Variants in RECK observed in about 807,000 individuals in gnomAD.
RECK encodes reversion inducing cysteine rich protein with kazal motifs.
A neutral mutation model predicts 115.1 loss-of-function variants in RECK; 69 were observed. That is an observed-to-expected ratio of 0.60 (90% CI 0.49 to 0.73). RECK has a LOEUF of 0.73. RECK is among the 30% of genes least tolerant of loss of function. The pLI is 0.00. For synonymous variants in RECK, 414 were observed against 419.7 expected (o/e 0.99, Z 0.17); for missense variants, 1,047 against 1,203.7 (o/e 0.87, Z 1.93).
rs1823145505 is a variant in RECK at position 36,091,244 on chromosome 9, A to G, written c.986A>G (p.Asn329Ser). Reference protein sequence around the residue: ...WQEFDRFCEYNPVEVSMLTCL... With the variant: ...WQEFDRFCEYSPVEVSMLTCL... Reference sequence around the variant, plus strand: ...GAGTTTGATCGCTTTTGTGAATATAATCCAGTGGAAGTGTCCATGTTGACC... The same window carrying G: ...GAGTTTGATCGCTTTTGTGAATATAGTCCAGTGGAAGTGTCCATGTTGACC... The change falls in exon 10 of 21, where the codon AAT (asparagine) becomes AGT (serine). Residue 329 changes from asparagine (N) to serine (S), a missense_variant. Transcript: ENST00000377966. 1 of 1,613,754 alleles carries G rather than the reference A, an allele frequency of 6.2e-7. No homozygotes were observed. The highest frequency in any genetic ancestry group is 1.3e-5 in the African/African-American group (1 of 74,904).
chr9:36,050,595 C>G (rs1034954025), intron 1 of RECK, among the ~76,000 whole-genome samples: 1 of 152,122 alleles, frequency 6.6e-6, no homozygotes, highest in African/African-American at 2.4e-5. Context: ...AAATGTTATT[C>G]TGATTATGAC....
chr9:36,083,658 C>T, intron 8 of RECK, 96 bp downstream of exon 8: 1 of 1,283,066 alleles, frequency 7.8e-7, no homozygotes, highest in Admixed American at 2.4e-5. Context: ...CAGTCTGGGT[C>T]ATTTGAGAAA....
chr9:36,099,871 C>T (rs1403725042), intron 10 of RECK, among the ~76,000 whole-genome samples: 2 of 152,124 alleles, frequency 1.3e-5, no homozygotes, highest in African/African-American at 4.8e-5. Flanking sequence ...ATTAACTCAA[C>T]AGTGGCACAA....
chr9:36,084,350 C>T (rs1822855516), intron 8 of RECK, among the ~76,000 whole-genome samples: 1 of 151,614 alleles, frequency 6.6e-6, no homozygotes, highest in Non-Finnish European at 1.5e-5. Flanking sequence ...AAGATCCTAC[C>T]ACTGCACTCC....
chr9:36,117,047 AGTGT>A lies in RECK; in HGVS notation c.2126_2129del (p.Cys709TyrfsTer123). The stretch of plus-strand genomic sequence containing the variant: ...GATAAATTTGGATGTAGCCAGTATG[AGTGT>A]GTACCAAGACAGCTCGCGTGTGACC... On this transcript the variant is annotated frameshift_variant, in exon 17 of 21. Coordinates refer to ENST00000377966, the MANE Select transcript of RECK (RefSeq NM_021111.3). LOFTEE classifies it high-confidence loss of function. 6 of 1,614,060 alleles carry A rather than the reference AGTGT, an allele frequency of 3.7e-6. No individual in the cohort carries two copies. The highest frequency in any genetic ancestry group is 5.1e-6 in the Non-Finnish European group (6 of 1,179,934).
chr9:36,117,042 G>A lies in RECK; in HGVS notation c.2118G>A (p.Gln706=). 2 of 1,614,088 alleles carry A rather than the reference G, an allele frequency of 1.2e-6. No homozygotes were observed. The change falls in exon 17 of 21, where the codon CAG becomes CAA. Residue 706 remains glutamine, a synonymous_variant. Transcript: ENST00000377966. ...LTTFDKFGCS[Q]YECVPRQLAC... The stretch of plus-strand genomic sequence containing the variant: ...CTTTTGATAAATTTGGATGTAGCCA[G>A]TATGAGTGTGTACCAAGACAGCTCG...
chr9:36,099,926 T>C (rs1823499046), intron 10 of RECK, among the ~76,000 whole-genome samples: 1 of 152,244 alleles, frequency 6.6e-6, no homozygotes, highest in East Asian at 1.9e-4. Context: ...TTGATTTAGA[T>C]GTGCTTATGG....
intron 1 of RECK, among the ~76,000 whole-genome samples, chr9:36,042,423 A>AGTGTGTGTGTGTGTGTGTGTGTGTGT (rs35193636): frequency 3.5e-5 from 5 of 144,364 alleles, no homozygotes; most frequent in Non-Finnish European, 6.1e-5. Context: ...AGTATTCCAT[A>AGTGTGTGTGTGTGTGTGTGTGTGTGT]GTGTGTGTGT....
chr9:36,105,568 G>A (rs1405073954), intron 13 of RECK, among the ~76,000 whole-genome samples: 10 of 151,906 alleles, frequency 6.6e-5, no homozygotes, highest in Admixed American at 1.3e-4. Context: ...CTTGACTCTC[G>A]TGAGTTGCAG....
At chr9:36,097,641 T>C (rs899019681) in intron 10 of RECK, among the ~76,000 whole-genome samples, 3 of 152,136 alleles carry the variant, frequency 2.0e-5, no homozygotes, top group Non-Finnish European at 4.4e-5. Flanking sequence ...AAATTAAAGA[T>C]AGAAGGTACC....
chr9:36,065,569 G>A lies in RECK; in HGVS notation c.358-8G>A. 6.3e-7 allele frequency: 1 copy of A among 1,580,722 alleles called. No individual in the cohort carries two copies. The highest frequency in any genetic ancestry group is 8.6e-7 in the Non-Finnish European group (1 of 1,166,344). On this transcript the variant is annotated splice_polypyrimidine_tract_variant and splice_region_variant and intron_variant, in intron 5 of 20. Coordinates refer to ENST00000377966, the MANE Select transcript of RECK (RefSeq NM_021111.3). The stretch of plus-strand genomic sequence containing the variant: ...AATAAATTAATGGAGAAATTTGTTG[G>A]TTTTTAGGCATCTTCAAAGAATGAT...
chr9:36,091,735 C>G (rs869267344), intron 10 of RECK, among the ~76,000 whole-genome samples: 1 of 152,104 alleles, frequency 6.6e-6, no homozygotes, highest in African/African-American at 2.4e-5. Context: ...TGTGAGTCCC[C>G]TGTTTCATAC....
intron 1 of RECK, 99 bp from the exon 2 acceptor site, chr9:36,052,166 C>A (rs186878673): frequency 2.0e-4 from 139 of 710,004 alleles, no homozygotes; most frequent in Non-Finnish European, 2.6e-4. Flanking sequence ...TAATAATAAT[C>A]ATCATCTACT....
chr9:36,122,962 G>T lies in RECK; in HGVS notation c.2833G>T (p.Val945Phe). ...CTCCAGCAGTGTGCCATCGGCCGGT[G>T]TCAGGGCCAGGCCTTCTTGCCACTC... ...QVSSSVPSAG[V>F]RARPSCHSLL... Residue 945 changes from valine (V) to phenylalanine (F), a missense_variant, in exon 21 of 21, where the codon GTC becomes TTC. Transcript: ENST00000377966. The T allele has an allele frequency of 6.2e-7, 1 of 1,614,168 alleles. No homozygotes were observed. Among genetic ancestry groups the T allele is most frequent in the East Asian group, 2.2e-5 (1 of 44,868 alleles).
intron 8 of RECK, among the ~76,000 whole-genome samples, chr9:36,087,002 C>A (rs1414194787): frequency 2.0e-5 from 3 of 152,070 alleles, no homozygotes; most frequent in African/African-American, 7.2e-5. Context: ...GTGGTGAATT[C>A]TGGTAATAGA....
Position 36,117,170 on chromosome 9 carries a change from C to T in RECK, c.2246C>T (p.Pro749Leu). 6.2e-7 allele frequency: 1 copy of T among 1,609,880 alleles called. No homozygotes were observed. The highest frequency in any genetic ancestry group is 8.5e-7 in the Non-Finnish European group (1 of 1,177,370). The change falls in exon 17 of 21, where the codon CCC becomes CTC. Residue 749 changes from proline to leucine, a missense_variant. Pro to Leu is a moderately conservative substitution (Grantham distance 98, BLOSUM62 -3). Transcript: ENST00000377966. ...GGAAAAAGCCTCTCTTACAAAGGTC[C>T]CTGCCAGGTACAGTGCTTTGGCTGA... ...QRGKSLSYKGPCQPFCRATEP... is the reference protein window; with the variant it reads ...QRGKSLSYKGLCQPFCRATEP...
chr9:36,082,183 T>TCTCTCC (rs1209777687), intron 7 of RECK, among the ~76,000 whole-genome samples: 2 of 150,296 alleles, frequency 1.3e-5, no homozygotes, highest in African/African-American at 5.0e-5. Context: ...TCTCTCTCTC[T>TCTCTCC]CTCTCCTTTT....
intron 12 of RECK, among the ~76,000 whole-genome samples, chr9:36,104,330 T>A (rs867021071): frequency 0.018 from 292 of 16,660 alleles, no homozygotes; most frequent in East Asian, 0.06. Context: ...ATATATATTT[T>A]TTTTTTTTTT....
At chr9:36,067,124 A>C (rs1398645304) in intron 6 of RECK, among the ~76,000 whole-genome samples, 2 of 152,200 alleles carry the variant, frequency 1.3e-5, no homozygotes, top group Non-Finnish European at 2.9e-5. Flanking sequence ...TCTGCATTAT[A>C]AACCTCACAT....
Sources: gnomAD v4.1 joint callset for allele counts (sites outside exome capture counted in the v4.1 genomes callset) on GRCh38, gnomAD v4.1.1 for gene constraint, MANE v1.5 for transcripts, NCBI Gene and HGNC (gene_info 2026-07-23, HGNC 2026-07-21) for gene names.